The following CABIN1 variants were observed in gnomAD, a reference collection of about 807,000 sequenced individuals.
The protein encoded by CABIN1 is calcineurin binding protein 1.
In CABIN1, 133 loss-of-function variants were observed where a neutral mutation model predicts 227.7. The ratio of observed to expected loss-of-function variants is 0.58; its 90% confidence interval spans 0.51 to 0.67. The LOEUF (loss-of-function observed/expected upper bound fraction) is 0.67. Ranked by LOEUF, CABIN1 falls within the 30% of genes least tolerant of loss-of-function variation. The pLI, the probability that CABIN1 is intolerant of heterozygous loss-of-function variation, is 0.00. For missense variants in CABIN1, 2,408 were observed against 2,852.5 expected (o/e 0.84, Z 3.55); for synonymous variants, 1,086 against 1,155.1 (o/e 0.94, Z 1.21).
intron 29 of CABIN1, among the ~76,000 whole-genome samples, chr22:24,157,207 C>G (rs915590183): frequency 1.3e-5 from 2 of 152,112 alleles, no homozygotes; most frequent in African/African-American, 4.8e-5. Flanking sequence ...TCAACCTGGC[C>G]TGCTTCTGGG....
intron 12 of CABIN1, among the ~76,000 whole-genome samples, chr22:24,060,839 G>C (rs1308977408): frequency 6.6e-6 from 1 of 152,104 alleles, no homozygotes; most frequent in East Asian, 2.0e-4. Context: ...GGCGGAGCTT[G>C]CAGTGAGCCG....
chr22:24,062,346 ATTTTTTT>A (rs35757164), intron 13 of CABIN1, among the ~76,000 whole-genome samples: 413 of 96,558 alleles, frequency 4.3e-3, no homozygotes, highest in Middle Eastern at 0.033. Flanking sequence ...GGTGATACGG[ATTTTTTT>A]TTTTTTTTTT....
At chr22:24,097,068 A>G (rs1438639176) in intron 25 of CABIN1, among the ~76,000 whole-genome samples, 1 of 152,240 alleles carries the variant, frequency 6.6e-6, no homozygotes, top group Non-Finnish European at 1.5e-5. Context: ...CATGCATGGC[A>G]GGCCACTCAG....
chr22:24,071,226 G>A, intron 17 of CABIN1, 184 bp downstream of exon 17: 1 of 761,012 alleles, frequency 1.3e-6, no homozygotes, highest in Admixed American at 2.1e-5. Flanking sequence ...ACCTTCCTGG[G>A]GCTGGTCGGA....
chr22:24,151,586 G>A (rs2045486306), intron 29 of CABIN1, among the ~76,000 whole-genome samples: 1 of 152,110 alleles, frequency 6.6e-6, no homozygotes, highest in Admixed American at 6.5e-5. Flanking sequence ...GGGCAGCAAG[G>A]TGGGGGTGGG....
intron 26 of CABIN1, among the ~76,000 whole-genome samples, chr22:24,102,679 G>A (rs1473599749): frequency 6.6e-6 from 1 of 152,198 alleles, no homozygotes; most frequent in Non-Finnish European, 1.5e-5. Context: ...TCCGAGGGGT[G>A]TGTCGGTGTT....
intron 26 of CABIN1, among the ~76,000 whole-genome samples, chr22:24,111,619 A>G (rs1398566642): frequency 6.6e-6 from 1 of 152,236 alleles, no homozygotes; most frequent in Non-Finnish European, 1.5e-5. Context: ...TGCTGATTTA[A>G]CACAAAGCCT....
chr22:24,015,705 C>G (rs2035228065), intron 1 of CABIN1, among the ~76,000 whole-genome samples: 1 of 151,912 alleles, frequency 6.6e-6, no homozygotes, highest in Admixed American at 6.6e-5. Flanking sequence ...GCCTGTAATC[C>G]CAGACTTTGG....
intron 10 of CABIN1, among the ~76,000 whole-genome samples, chr22:24,057,191 C>T (rs113472254): frequency 0.011 from 1,603 of 152,326 alleles, 24 homozygotes; most frequent in African/African-American, 0.036. Context: ...CCGCCTCAAC[C>T]TCCCAAAGTG....
At chr22:24,112,880 C>T (rs1461989138) in intron 26 of CABIN1, among the ~76,000 whole-genome samples, 1 of 152,150 alleles carries the variant, frequency 6.6e-6, no homozygotes, top group Non-Finnish European at 1.5e-5. Context: ...GGCTTTGTAC[C>T]TTTTCCATAG....
At chr22:24,145,443 C>T (rs1278056313) in intron 29 of CABIN1, among the ~76,000 whole-genome samples, 3 of 152,128 alleles carry the variant, frequency 2.0e-5, no homozygotes, top group Non-Finnish European at 2.9e-5. Context: ...ATTAAGAAAA[C>T]GAGACAGGCA....
intron 29 of CABIN1, among the ~76,000 whole-genome samples, chr22:24,155,030 G>A (rs2045699561): frequency 6.6e-6 from 1 of 152,122 alleles, no homozygotes; most frequent in African/African-American, 2.4e-5. Flanking sequence ...GCAAAGGGTT[G>A]GGGGTGGGTA....
intron 1 of CABIN1, among the ~76,000 whole-genome samples, chr22:24,033,898 G>T (rs572909521): frequency 6.6e-6 from 1 of 152,146 alleles, no homozygotes; most frequent in African/African-American, 2.4e-5. Context: ...TAAACCCCTT[G>T]GTAGTTGCTC....
chr22:24,165,171 T>G (rs905217395), intron 30 of CABIN1, among the ~76,000 whole-genome samples: 3 of 152,196 alleles, frequency 2.0e-5, no homozygotes, highest in Admixed American at 1.3e-4. Context: ...GCTGTCTCAC[T>G]CACCTACCAC....
rs765735335 is a variant in CABIN1 at position 24,177,678 on chromosome 22, G to C, written c.6380G>C (p.Arg2127Pro). 1.2e-6 allele frequency: 2 copies of C among 1,613,580 alleles called. No homozygotes were observed. ...CCTGAGCCCAGCCGGGCTAAGTCCC[G>C]CCCCCTGCCCAACATGCCAAAGCTG... The part of the protein sequence containing the change: ...GKPEPSRAKS[R>P]PLPNMPKLVI... The change falls in exon 36 of 37, where the codon CGC (arginine) becomes CCC (proline). Residue 2127 changes from arginine (R) to proline (P), a missense_variant. Coordinates refer to ENST00000263119, the MANE Select transcript of CABIN1 (RefSeq NM_012295.4). The surrounding 1 kb of genome is among the most constrained non-coding windows in gnomAD (Gnocchi z 4.4).
chr22:24,122,584 T>C (rs1261733778), intron 28 of CABIN1, among the ~76,000 whole-genome samples: 1 of 152,092 alleles, frequency 6.6e-6, no homozygotes, highest in African/African-American at 2.4e-5. Flanking sequence ...GGTGCACACC[T>C]GTAATCCCAG....
At chr22:24,057,431 C>G (rs1246203843) in intron 10 of CABIN1, among the ~76,000 whole-genome samples, 2 of 152,222 alleles carry the variant, frequency 1.3e-5, no homozygotes, top group Non-Finnish European at 2.9e-5. Context: ...TGCCTTCTAA[C>G]AGTTGGCTGG....
intron 26 of CABIN1, among the ~76,000 whole-genome samples, chr22:24,105,422 T>C (rs1569223387): frequency 1.3e-5 from 2 of 152,218 alleles, no homozygotes; most frequent in Non-Finnish European, 2.9e-5. Context: ...AAATATTAAT[T>C]AGTATGAGCA....
At chr22:24,077,119 T>G (rs2040497258) in intron 19 of CABIN1, among the ~76,000 whole-genome samples, 1 of 152,148 alleles carries the variant, frequency 6.6e-6, no homozygotes, top group South Asian at 2.1e-4. Context: ...CATCACCTGC[T>G]CTATACCTTC....
Sources: allele counts gnomAD v4.1 joint callset (sites outside exome capture counted in the v4.1 genomes callset), GRCh38; gene constraint gnomAD v4.1.1; non-coding constraint Gnocchi (gnomAD v3.1); transcripts MANE v1.5; gene names NCBI Gene and HGNC (gene_info 2026-07-23, HGNC 2026-07-21).